The following ZNF841 variants were observed in gnomAD, a reference collection of about 807,000 sequenced individuals.
The protein encoded by ZNF841 is zinc finger protein 841.
A neutral mutation model predicts 13.0 loss-of-function variants in ZNF841; 11 were observed. The ratio of observed to expected loss-of-function variants is 0.85; its 90% confidence interval spans 0.53 to 1.40. The LOEUF is 1.40. Among genes scored for constraint, ZNF841 ranks in the 40% most tolerant of loss-of-function variants. The pLI, the probability that ZNF841 is intolerant of heterozygous loss-of-function variation, is 0.00. For synonymous variants in ZNF841, 369 were observed against 381.6 expected, an observed-to-expected ratio of 0.97 and a Z score of 0.38; for missense variants, 1,068 against 1,139.5, an observed-to-expected ratio of 0.94 and a Z score of 0.90.
rs1568542231 is a variant in ZNF841, at chr19:52,077,008, G to C, written c.92C>G (p.Ala31Gly). ...CTCCAACATCACGTCCCTGTACAAAGCTTTCTGAACAGGGTCCAGGCATTT... is the reference window on the plus strand; with the variant it reads ...CTCCAACATCACGTCCCTGTACAAACCTTTCTGAACAGGGTCCAGGCATTT... Reference protein sequence around the residue: ...EWKCLDPVQKALYRDVMLENY... With the variant: ...EWKCLDPVQKGLYRDVMLENY... The change falls in exon 5 of 7, where the codon GCT becomes GGT. Residue 31 changes from alanine to glycine, a missense_variant. Coordinates refer to ENST00000594440, the MANE Select transcript of ZNF841 (RefSeq NM_001136499.2). 6.2e-7 allele frequency: 1 copy of C among 1,613,468 alleles called. No individual in the cohort carries two copies. Among genetic ancestry groups the C allele is most frequent in the Admixed American group, 1.7e-5 (1 of 60,020 alleles).
rs2087541977 is a variant in ZNF841, at chr19:52,065,960, G to A, written c.1922C>T (p.Ala641Val). ...GKVFSYYSCL[A>V]RHRKIHTGEK... Reference sequence around the variant, plus strand: ...TCCGGTATGAATTTTCCGATGACGTGCTAGGCATGAGTAGTAACTGAAGAC... The same window carrying A: ...TCCGGTATGAATTTTCCGATGACGTACTAGGCATGAGTAGTAACTGAAGAC... Residue 641 changes from alanine to valine, a missense_variant, in exon 7 of 7, where the codon GCA becomes GTA. Transcript: ENST00000594440. 6.2e-7 allele frequency: 1 copy of A among 1,614,038 alleles called. No homozygotes were observed. Among genetic ancestry groups the A allele is most frequent in the African/African-American group, 1.3e-5 (1 of 74,912 alleles).
intron 3 of ZNF841, among the ~76,000 whole-genome samples, chr19:52,085,279 T>C (rs16983430): frequency 0.21 from 32,169 of 152,152 alleles, 4,753 homozygotes; most frequent in African/African-American, 0.41. Flanking sequence ...ATTTGGGTAC[T>C]TTAAACAATA....
chr19:52,066,516 G>A lies in ZNF841; in HGVS notation c.1366C>T (p.Pro456Ser), dbSNP rs767391209. ...TTGCCACATTCATTACATTTGTAAG[G>A]TGTCTCTCCAGTATGAATTATCTGG... is the stretch of plus-strand genomic sequence containing the variant. ...RHQIIHTGET[P>S]YKCNECGKVF... The change falls in exon 7 of 7, where the codon CCT (proline) becomes TCT (serine). Residue 456 changes from proline (P) to serine (S), a missense_variant. Pro to Ser is a moderately conservative substitution (Grantham distance 74). Coordinates refer to ENST00000594440, the MANE Select transcript of ZNF841 (RefSeq NM_001136499.2). 3 of 1,613,814 alleles carry A rather than the reference G, an allele frequency of 1.9e-6. No individual in the cohort carries two copies. The highest frequency in any genetic ancestry group is 2.5e-6 in the Non-Finnish European group (3 of 1,179,928).
rs1384281604 is a variant in ZNF841, at chr19:52,067,229, AAACAATTATT to A, written c.643_652del (p.Asn215PhefsTer2). ...AATTCTTTGAAGTGGTGAAGCTAAAAAACAATTATTAACTGTCCTCTCAATTTGATTACAT... is the reference window on the plus strand; with the variant it reads ...AATTCTTTGAAGTGGTGAAGCTAAAAAACTGTCCTCTCAATTTGATTACAT... On this transcript the variant is annotated frameshift_variant, in exon 7 of 7. Transcript: ENST00000594440. LOFTEE classifies it low-confidence loss of function (END_TRUNC). 1 of 1,549,730 alleles carries A rather than the reference AAACAATTATT, an allele frequency of 6.5e-7. No individual in the cohort carries two copies. Among genetic ancestry groups the A allele is most frequent in the East Asian group, 2.4e-5 (1 of 40,910 alleles).
intron 6 of ZNF841, among the ~76,000 whole-genome samples, chr19:52,074,046 G>A (rs2087818887): frequency 6.6e-6 from 1 of 152,242 alleles, no homozygotes; most frequent in East Asian, 1.9e-4. Flanking sequence ...TTCATAGTAG[G>A]AATTAAGTCA....
At chr19:52,090,675 G>C (rs1217220657) in intron 2 of ZNF841, among the ~76,000 whole-genome samples, 1 of 139,912 alleles carries the variant, frequency 7.1e-6, no homozygotes. Context: ...AAGAAAGAAA[G>C]AAAGAAAGAA....
chr19:52,065,157 T>G lies in ZNF841; in HGVS notation c.2725A>C (p.Asn909His), dbSNP rs1255612394. Reference sequence around the variant, plus strand: ...ACAACATCTAACGGCCTTTCCACATTGAGTTTAGTTGTAAGGTTCTCTCCA... The same window carrying G: ...ACAACATCTAACGGCCTTTCCACATGGAGTTTAGTTGTAAGGTTCTCTCCA... ...HAGENLTTKL[N>H]VERPLDVVLT... The change falls in exon 7 of 7, where the codon AAT becomes CAT. Residue 909 changes from asparagine to histidine, a missense_variant. By Grantham distance (68) the Asn-to-His change is moderately conservative. Transcript: ENST00000594440. 2 of 1,571,702 alleles carry G rather than the reference T, an allele frequency of 1.3e-6. No homozygotes were observed. The highest frequency in any genetic ancestry group is 1.4e-5 in the African/African-American group (1 of 73,448).
At chr19:52,082,626 A>C (rs1265788440) in intron 4 of ZNF841, among the ~76,000 whole-genome samples, 1 of 152,228 alleles carries the variant, frequency 6.6e-6, no homozygotes, top group African/African-American at 2.4e-5. Flanking sequence ...CTGCCATTGA[A>C]GTAACCCTCA....
downstream of ZNF841, among the ~76,000 whole-genome samples, chr19:52,062,986 A>C (rs1568531567): frequency 1.3e-5 from 2 of 148,710 alleles, no homozygotes; most frequent in East Asian, 2.0e-4. Flanking sequence ...AACAATTCTC[A>C]TGCCTCAGCC....
chr19:52,059,412 G>C, the ZNF841 span, among the ~76,000 whole-genome samples: 16 of 113,282 alleles, frequency 1.4e-4, no homozygotes, highest in African/African-American at 4.0e-4. Context: ...CACACACACA[G>C]AGAAATGACA....
intron 6 of ZNF841, among the ~76,000 whole-genome samples, chr19:52,069,015 T>C (rs1003613204): frequency 5.3e-5 from 8 of 152,184 alleles, no homozygotes; most frequent in African/African-American, 1.9e-4. Context: ...ATCTCAGTTA[T>C]GATTTCATGC....
rs774021260 is a variant in ZNF841, at chr19:52,066,004, C to G, written c.1878G>C (p.Gln626His). ...TGAAGACCTTGCCGCATTCGTTACA[C>G]TGGAAAGGTTTCTCTCCGGTATGAC... The part of the protein sequence containing the change: ...RRSHTGEKPF[Q>H]CNECGKVFSY... The change falls in exon 7 of 7, where the codon CAG (glutamine) becomes CAC (histidine). Residue 626 changes from glutamine (Q) to histidine (H), a missense_variant. Coordinates refer to ENST00000594440, the MANE Select transcript of ZNF841 (RefSeq NM_001136499.2). 11 of 1,613,404 alleles carry G rather than the reference C, an allele frequency of 6.8e-6. No individual in the cohort carries two copies. The highest frequency in any genetic ancestry group is 8.5e-6 in the Non-Finnish European group (10 of 1,179,778).
chr19:52,062,194 A>AGC (rs1203151150), downstream of ZNF841, among the ~76,000 whole-genome samples: 1 of 152,202 alleles, frequency 6.6e-6, no homozygotes, highest in East Asian at 1.9e-4. Flanking sequence ...AGCCTGGGCA[A>AGC]CAGGGTGGTG....
chr19:52,094,603 C>A (rs114382094), intron 1 of ZNF841, among the ~76,000 whole-genome samples: 7,298 of 152,096 alleles, frequency 0.048, 480 homozygotes, highest in African/African-American at 0.15. Flanking sequence ...ATTCCCTCTT[C>A]CCTGTTACAT....
chr19:52,078,951 C>T (rs1644537195), intron 4 of ZNF841, among the ~76,000 whole-genome samples: 2 of 152,050 alleles, frequency 1.3e-5, no homozygotes, highest in South Asian at 4.1e-4. Context: ...CTCTCAATGA[C>T]ATATTTTTTG....
rs771432054 is a variant in ZNF841 at position 52,067,559 on chromosome 19, T to C, written c.323A>G (p.Asn108Ser). 6.3e-7 allele frequency: 1 copy of C among 1,598,336 alleles called. No homozygotes were observed. The change falls in exon 7 of 7, where the codon AAC becomes AGC. Residue 108 changes from asparagine to serine, a missense_variant. Asn to Ser is a conservative substitution (Grantham distance 46). Transcript: ENST00000594440. Reference sequence around the variant, plus strand: ...CACTGCTTGGAATTTTTCTCCTGTGTTACTGTTCTGTATTGGTGGTAATTC... The same window carrying C: ...CACTGCTTGGAATTTTTCTCCTGTGCTACTGTTCTGTATTGGTGGTAATTC... The part of the protein sequence containing the change: ...IKELPPIQNS[N>S]TGEKFQAVML...
chr19:52,086,644 A>G (rs2088284823), intron 3 of ZNF841, among the ~76,000 whole-genome samples: 1 of 152,254 alleles, frequency 6.6e-6, no homozygotes, highest in Admixed American at 6.5e-5. Context: ...GGGTGTGGAC[A>G]GAAACAAGAA....
chr19:52,067,771 C>T (rs938537706), intron 6 of ZNF841, among the ~76,000 whole-genome samples, 161 bp from the exon 7 acceptor site: 3 of 152,050 alleles, frequency 2.0e-5, no homozygotes, highest in East Asian at 1.9e-4. Flanking sequence ...GAATAGAATT[C>T]TATAGTAAAG....
chr19:52,063,232 T>C (rs910377988), downstream of ZNF841, among the ~76,000 whole-genome samples: 4 of 152,150 alleles, frequency 2.6e-5, no homozygotes, highest in Admixed American at 2.6e-4. Context: ...CTATCCAGTA[T>C]GAATAATTTG....
Sources: allele counts gnomAD v4.1 joint callset (sites outside exome capture counted in the v4.1 genomes callset), GRCh38; gene constraint gnomAD v4.1.1; transcripts MANE v1.5; gene names NCBI Gene and HGNC (gene_info 2026-07-23, HGNC 2026-07-21).